The following BTAF1 variants were observed in gnomAD, a reference collection of about 807,000 sequenced individuals.
BTAF1 encodes B-TFIID TATA-box binding protein associated factor 1, also known as TATA-binding protein-associated factor 172.
BTAF1 carries 38 observed loss-of-function variants against 227.1 expected under a neutral mutation model. That is an observed-to-expected ratio of 0.17 (90% confidence interval 0.13 to 0.22). BTAF1 has a LOEUF of 0.22. BTAF1 is among the 10% of genes least tolerant of loss of function. The probability of loss-of-function intolerance (pLI) is 1.00; values close to 1 mark genes in which losing one functional copy is unlikely to be tolerated. For missense variants in BTAF1, 1,598 were observed against 2,204.0 expected, an observed-to-expected ratio of 0.73 and a Z score of 5.51; for synonymous variants, 742 against 751.9, an observed-to-expected ratio of 0.99 and a Z score of 0.21.
chr10:91,945,211 T>G (rs1472670773), intron 4 of BTAF1, among the ~76,000 whole-genome samples: 2 of 152,178 alleles, frequency 1.3e-5, no homozygotes, highest in Non-Finnish European at 2.9e-5. Flanking sequence ...TCAAGGTTCA[T>G]CTATATGACA....
rs991655345 is a variant in BTAF1 at position 92,030,242 on chromosome 10, A to G, written c.*1309A>G. On this transcript the variant is annotated 3_prime_UTR_variant, in exon 38 of 38. Transcript: ENST00000265990. ...GTTCTGCAGCATTTAGACATTTGTC[A>G]CATTTCATTAGCTTTGACAACCATA... is the stretch of plus-strand genomic sequence containing the variant. 2.0e-5 allele frequency: 3 copies of G among 152,608 alleles called. No individual in the cohort carries two copies. The highest frequency in any genetic ancestry group is 7.2e-5 in the African/African-American group (3 of 41,472). The allele number at this position is 152,608 out of a possible 1,614,324, so 9.5% of individuals were successfully genotyped here.
intron 14 of BTAF1, among the ~76,000 whole-genome samples, chr10:91,972,667 T>G (rs1847387740): frequency 6.6e-6 from 1 of 152,230 alleles, no homozygotes; most frequent in African/African-American, 2.4e-5. Context: ...GAAAGTTACT[T>G]ATTGATTAAT....
At chr10:92,010,838 T>C (rs1850244010) in intron 28 of BTAF1, among the ~76,000 whole-genome samples, 1 of 152,180 alleles carries the variant, frequency 6.6e-6, no homozygotes, top group African/African-American at 2.4e-5. Flanking sequence ...TGTTGGCAAA[T>C]AAAGTTGAAA....
chr10:91,982,131 G>T lies in BTAF1; in HGVS notation c.1954G>T (p.Val652Leu). The part of the protein sequence containing the change: ...VRQGQSQNKE[V>L]LQEYIAGADT... ...CCAAGGCCAAAGCCAGAATAAAGAA[G>T]TACTTCAGGAGTATATTGCAGGTGC... Residue 652 changes from valine to leucine, a missense_variant, in exon 17 of 38, where the codon GTA becomes TTA. Around this residue, in one of 10 missense-constraint regions of BTAF1, gnomAD observed 318 missense variants for 435.0 expected, o/e 0.73. Transcript: ENST00000265990. 2 of 1,613,828 alleles carry T rather than the reference G, an allele frequency of 1.2e-6. No individual in the cohort carries two copies. The highest frequency in any genetic ancestry group is 1.7e-6 in the Non-Finnish European group (2 of 1,179,858).
At chr10:91,943,620 C>G (rs1845165674) in intron 4 of BTAF1, among the ~76,000 whole-genome samples, 1 of 151,972 alleles carries the variant, frequency 6.6e-6, no homozygotes, top group Non-Finnish European at 1.5e-5. Flanking sequence ...ATTAAAAGAT[C>G]TAGTTATTTT....
rs1219545267 is a variant in BTAF1 at position 91,957,151 on chromosome 10, T to A, written c.832-74T>A. On this transcript the variant is annotated intron_variant, in intron 7 of 37. Coordinates refer to ENST00000265990, the MANE Select transcript of BTAF1 (RefSeq NM_003972.3). ...GCTACTACTAGACCTAGAAATAAAA[T>A]TTATTAAGTTACTTAAATTGTTAGC... 59 of 1,265,286 alleles carry A rather than the reference T, an allele frequency of 4.7e-5. No individual in the cohort carries two copies. In the Admixed American group the frequency reaches 1.1e-3, roughly 24 times the overall value. 78.4% of individuals were successfully genotyped at this position (1,265,286 alleles called of 1,614,324 possible). A position where few individuals can be genotyped will look rare whatever the true frequency, so the allele number is the denominator to read the frequency against.
intron 14 of BTAF1, among the ~76,000 whole-genome samples, chr10:91,968,668 A>G (rs1207166802): frequency 6.6e-6 from 1 of 152,140 alleles, no homozygotes; most frequent in Non-Finnish European, 1.5e-5. Context: ...GCAATGAGTG[A>G]GGGTTCCTAT....
chr10:91,931,567 C>T (rs1455861139), intron 1 of BTAF1, among the ~76,000 whole-genome samples: 2 of 152,166 alleles, frequency 1.3e-5, no homozygotes, highest in Non-Finnish European at 2.9e-5. Flanking sequence ...ACTTTCCCTT[C>T]TCTTCTGACC....
At chr10:91,924,219 T>C in intron 1 of BTAF1, 129 bp downstream of exon 1, 1 of 1,276,736 alleles carries the variant, frequency 7.8e-7, no homozygotes, top group Non-Finnish European at 1.1e-6. Flanking sequence ...TTCAGTAGAC[T>C]TCGGAGTTCG....
chr10:91,931,517 G>A (rs181370117), intron 1 of BTAF1, among the ~76,000 whole-genome samples: 57 of 152,242 alleles, frequency 3.7e-4, no homozygotes, highest in East Asian at 1.9e-3. Context: ...AAAGTAGTAT[G>A]GGAGTAAGTA....
At chr10:91,965,047 C>A (rs1846798940) in intron 13 of BTAF1, among the ~76,000 whole-genome samples, 1 of 152,044 alleles carries the variant, frequency 6.6e-6, no homozygotes, top group Non-Finnish European at 1.5e-5. Flanking sequence ...GAAAATATTT[C>A]AAATAATACT....
intron 25 of BTAF1, among the ~76,000 whole-genome samples, chr10:92,001,191 G>T (rs1326454367): frequency 6.6e-6 from 1 of 152,208 alleles, no homozygotes; most frequent in Admixed American, 6.5e-5. Context: ...AGAGAGCCCA[G>T]TAGTCTTGCT....
At chr10:91,950,153 G>GGA (rs1564666049) in intron 4 of BTAF1, among the ~76,000 whole-genome samples, 1 of 89,968 alleles carries the variant, frequency 1.1e-5, no homozygotes, top group African/African-American at 3.7e-5. Context: ...CTTTGTGGGG[G>GGA]GGGGCGGGAA....
chr10:91,982,398 C>A, intron 17 of BTAF1, 173 bp downstream of exon 17: 1 of 1,039,256 alleles, frequency 9.6e-7, no homozygotes, highest in Non-Finnish European at 1.4e-6. Flanking sequence ...TATTTTAAAG[C>A]TTTAAAATAG....
At position 91,989,591 on chromosome 10, in the gene BTAF1, A is replaced by G. The variant is rs762130681; in HGVS notation, c.2854+11A>G. 1.9e-6 allele frequency: 3 copies of G among 1,559,554 alleles called. No individual in the cohort carries two copies. Among genetic ancestry groups the G allele is most frequent in the African/African-American group, 2.8e-5 (2 of 72,376 alleles). The stretch of plus-strand genomic sequence containing the variant: ...AGGAAAATTCTAAAGGTATATACCT[A>G]AACTTTTATTTGGGGTAGAGAAATA... On this transcript the variant is annotated intron_variant, in intron 20 of 37. Coordinates refer to ENST00000265990, the MANE Select transcript of BTAF1 (RefSeq NM_003972.3).
intron 28 of BTAF1, among the ~76,000 whole-genome samples, chr10:92,010,554 G>A (rs1346499176): frequency 6.6e-6 from 1 of 152,182 alleles, no homozygotes; most frequent in Non-Finnish European, 1.5e-5. Flanking sequence ...ACAATGGGCA[G>A]TCTCTGGCCC....
At chr10:91,959,738 G>GTATA (rs1421248732) in intron 9 of BTAF1, 47 bp from the exon 10 acceptor site, 2 of 359,092 alleles carry the variant, frequency 5.6e-6, no homozygotes, top group African/African-American at 7.7e-5. Context: ...GTGTGTGTGT[G>GTATA]TGTATATATA....
Position 91,960,587 on chromosome 10 carries a change from GT to G in BTAF1, c.1263+449del, listed in dbSNP as rs369256520. ...TGTACTTTTTACATAAACTGTCAGTGTTTTTTTTTTTTTTTTAATCCTTTAT... is the reference window on the plus strand; with the variant it reads ...TGTACTTTTTACATAAACTGTCAGTGTTTTTTTTTTTTTTTAATCCTTTAT... On this transcript the variant is annotated intron_variant, in intron 11 of 37. Coordinates refer to ENST00000265990, the MANE Select transcript of BTAF1 (RefSeq NM_003972.3). Among the ~76,000 whole-genome samples the G allele has an allele frequency of 7.9e-3, 1,113 of 140,196 alleles. 5 individuals are homozygous for G. The highest frequency in any genetic ancestry group is 0.053 in the Middle Eastern group (14 of 266). The allele number at this position is 140,196 out of a possible 152,430, so 92.0% of individuals were successfully genotyped here. A position where few individuals can be genotyped will look rare whatever the true frequency, so the allele number is the denominator to read the frequency against.
At chr10:92,007,587 T>C (rs938262896) in intron 25 of BTAF1, among the ~76,000 whole-genome samples, 22 of 152,232 alleles carry the variant, frequency 1.4e-4, no homozygotes, top group African/African-American at 5.3e-4. Flanking sequence ...TTCTAAGAAA[T>C]ATGACTACTA....
Sources: gnomAD v4.1 joint callset for allele counts (sites outside exome capture counted in the v4.1 genomes callset) on GRCh38, gnomAD v4.1.1 for gene constraint, gnomAD v4.1.1 regional missense constraint, MANE v1.5 for transcripts, NCBI Gene and HGNC (gene_info 2026-07-23, HGNC 2026-07-21) for gene names.